Variants in EML5 observed in about 807,000 individuals in gnomAD.
EML5 encodes the protein EMAP like 5.
A neutral mutation model predicts 250.0 loss-of-function variants in EML5; 120 were observed. That is an observed-to-expected ratio of 0.48 (90% CI 0.41 to 0.56). The LOEUF (loss-of-function observed/expected upper bound fraction) is 0.56. Among genes scored for constraint, EML5 ranks in the 20% least tolerant of loss-of-function variants. The pLI, the probability that EML5 is intolerant of heterozygous loss-of-function variation, is 0.00. For synonymous variants in EML5, 771 were observed against 806.5 expected, an observed-to-expected ratio of 0.96 and a Z score of 0.75; for missense variants, 2,006 against 2,437.6, an observed-to-expected ratio of 0.82 and a Z score of 3.73.
chr14:88,703,986 T>C (rs1267113724), intron 13 of EML5, among the ~76,000 whole-genome samples: 3 of 152,194 alleles, frequency 2.0e-5, no homozygotes, highest in Admixed American at 2.0e-4. Flanking sequence ...CATAATGTTG[T>C]AAGTCACCAC....
chr14:88,654,222 C>A (rs889123543), intron 27 of EML5, among the ~76,000 whole-genome samples: 2 of 151,974 alleles, frequency 1.3e-5, no homozygotes, highest in Non-Finnish European at 2.9e-5. Context: ...TCAATCTTTT[C>A]AAAAAACCAG....
chr14:88,758,024 T>C (rs1287419414), intron 1 of EML5, among the ~76,000 whole-genome samples: 1 of 148,394 alleles, frequency 6.7e-6, no homozygotes, highest in East Asian at 2.0e-4. Context: ...GTCTAATTTT[T>C]TTTTTTTTTT....
chr14:88,792,761 G>C lies in EML5; in HGVS notation c.-258C>G, dbSNP rs574773306. On this transcript the variant is annotated 5_prime_UTR_variant, in exon 1 of 44. Transcript: ENST00000554922. The surrounding 1 kb of genome is among the most constrained non-coding windows in gnomAD (Gnocchi z 6.9). ...GTCAAGTGGATGCCCAGAGCCCTTC[G>C]CCCGCCTCGGCTCGCCTAGTCTCCT... The C allele has an allele frequency of 3.8e-6, 4 of 1,044,694 alleles. No individual in the cohort carries two copies. Among genetic ancestry groups the C allele is most frequent in the Non-Finnish European group, 4.6e-6 (4 of 868,788 alleles). The allele number at this position is 1,044,694 out of a possible 1,614,324, so 64.7% of individuals were successfully genotyped here.
intron 2 of EML5, among the ~76,000 whole-genome samples, chr14:88,747,756 T>C (rs950274638): frequency 4.6e-5 from 7 of 152,038 alleles, no homozygotes; most frequent in African/African-American, 1.7e-4. Context: ...AATACAAGAT[T>C]AGCAGGAGAT....
chr14:88,697,355 C>T (rs1429457245), intron 14 of EML5, among the ~76,000 whole-genome samples: 2 of 152,100 alleles, frequency 1.3e-5, no homozygotes, highest in Admixed American at 6.6e-5. Context: ...GCTTAATGAA[C>T]ATGAAAAGGC....
intron 8 of EML5, among the ~76,000 whole-genome samples, chr14:88,720,156 A>G (rs1037789736): frequency 6.6e-6 from 1 of 152,204 alleles, no homozygotes; most frequent in Non-Finnish European, 1.5e-5. Context: ...ATAGCCTACC[A>G]ACCAAAAAAG....
chr14:88,728,991 G>T (rs1467148571), intron 7 of EML5, among the ~76,000 whole-genome samples: 4 of 151,768 alleles, frequency 2.6e-5, no homozygotes, highest in Non-Finnish European at 5.9e-5. Context: ...TAGGAAAAAT[G>T]ATTTTTGTAT....
At chr14:88,715,515 G>T (rs2093477259) in intron 8 of EML5, among the ~76,000 whole-genome samples, 1 of 151,994 alleles carries the variant, frequency 6.6e-6, no homozygotes, top group African/African-American at 2.4e-5. Context: ...GGTAAAAGAA[G>T]TTCTTTGTAA....
At chr14:88,772,479 C>T (rs1247311150) in intron 1 of EML5, among the ~76,000 whole-genome samples, 4 of 152,178 alleles carry the variant, frequency 2.6e-5, no homozygotes, top group East Asian at 3.8e-4. Flanking sequence ...TACCTTCGGC[C>T]GGACGAGGTA....
intron 37 of EML5, chr14:88,621,974 T>A (rs1430215377): frequency 4.6e-6 from 2 of 430,840 alleles, no homozygotes; most frequent in Admixed American, 4.9e-5. Flanking sequence ...TAAAACATAC[T>A]ATTCCTATCT....
At chr14:88,630,326 G>A (rs1361107948) in intron 33 of EML5, among the ~76,000 whole-genome samples, 1 of 151,958 alleles carries the variant, frequency 6.6e-6, no homozygotes, top group Non-Finnish European at 1.5e-5. Flanking sequence ...CACCATGCCT[G>A]GCCTAATAAA....
At chr14:88,652,671 ACCTCCCACTC>A (rs1260550928) in intron 27 of EML5, among the ~76,000 whole-genome samples, 1 of 151,470 alleles carries the variant, frequency 6.6e-6, no homozygotes, top group Non-Finnish European at 1.5e-5. Context: ...CCTTGTTCTC[ACCTCCCACTC>A]CCTCTGTTCC....
At chr14:88,695,316 G>A (rs1352332821) in intron 16 of EML5, 45 bp downstream of exon 16, 2 of 1,497,112 alleles carry the variant, frequency 1.3e-6, no homozygotes, top group Non-Finnish European at 9.0e-7. Context: ...TAAGTCCAAA[G>A]TAATTCTAGT....
intron 14 of EML5, among the ~76,000 whole-genome samples, chr14:88,700,836 T>C (rs866429845): frequency 2.6e-5 from 4 of 152,190 alleles, no homozygotes; most frequent in African/African-American, 9.7e-5. Context: ...TGTTAATATA[T>C]AGGATAACCA....
intron 6 of EML5, among the ~76,000 whole-genome samples, chr14:88,736,833 T>TA (rs994591014): frequency 8.5e-5 from 13 of 152,242 alleles, no homozygotes; most frequent in African/African-American, 2.9e-4. Context: ...AATTTTTTTT[T>TA]ATAGTGTTGT....
intron 1 of EML5, among the ~76,000 whole-genome samples, chr14:88,761,029 T>G (rs1360738786): frequency 6.6e-6 from 1 of 152,138 alleles, no homozygotes; most frequent in Non-Finnish European, 1.5e-5. Flanking sequence ...TCACTGAGTT[T>G]TAGGAGTAGT....
At chr14:88,674,821 TG>T (rs75822369) in intron 21 of EML5, among the ~76,000 whole-genome samples, 26,620 of 152,080 alleles carry the variant, frequency 0.18, 2,878 homozygotes, top group East Asian at 0.47. Context: ...CTAGATACAA[TG>T]GGGGTACAGG....
chr14:88,622,378 A>G (rs1210850777), intron 37 of EML5: 3 of 377,184 alleles, frequency 8.0e-6, no homozygotes, highest in African/African-American at 2.1e-5. Flanking sequence ...TCTAGAAAAT[A>G]TTGGAGGTTT....
At chr14:88,687,845 G>T (rs1309895726) in intron 18 of EML5, among the ~76,000 whole-genome samples, 1 of 152,158 alleles carries the variant, frequency 6.6e-6, no homozygotes, top group Non-Finnish European at 1.5e-5. Flanking sequence ...GACGGCTGAG[G>T]TGGGAGAATA....
Sources: gnomAD v4.1 joint callset for allele counts (sites outside exome capture counted in the v4.1 genomes callset) on GRCh38, gnomAD v4.1.1 for gene constraint, Gnocchi (gnomAD v3.1) non-coding constraint, MANE v1.5 for transcripts, NCBI Gene and HGNC (gene_info 2026-07-23, HGNC 2026-07-21) for gene names.